The following SLC35E1 variants were observed in gnomAD, a reference collection of about 807,000 sequenced individuals.
SLC35E1 encodes solute carrier family 35 member E1.
In SLC35E1, 12 loss-of-function variants were observed where a neutral mutation model predicts 31.0. That is an observed-to-expected ratio of 0.39 (90% CI 0.25 to 0.63). The LOEUF is 0.63. Among genes scored for constraint, SLC35E1 ranks in the 20% least tolerant of loss-of-function variants. The pLI is 0.52. For missense variants in SLC35E1, 429 were observed against 572.2 expected (o/e 0.75, Z 2.55); for synonymous variants, 257 against 264.1 (o/e 0.97, Z 0.26).
At chr19:16,561,170 C>T (rs1412999050) in intron 4 of SLC35E1, among the ~76,000 whole-genome samples, 4 of 129,460 alleles carry the variant, frequency 3.1e-5, no homozygotes, top group East Asian at 2.3e-4. Context: ...GCTGAGATCA[C>T]GCCACTGCGC....
At chr19:16,571,335 C>T (rs2085957129) in intron 2 of SLC35E1, among the ~76,000 whole-genome samples, 177 bp downstream of exon 2, 1 of 152,280 alleles carries the variant, frequency 6.6e-6, no homozygotes, top group Non-Finnish European at 1.5e-5. Context: ...CACCACTGCT[C>T]ACAGGGTGAT....
Position 16,572,401 on chromosome 19 carries a change from G to T in SLC35E1, c.-37C>A, listed in dbSNP as rs981266748. 1.2e-5 allele frequency: 12 copies of T among 989,024 alleles called. No homozygotes were observed. In the African/African-American group the frequency reaches 1.2e-4, roughly 10 times the overall value. 61.3% of individuals were successfully genotyped at this position (989,024 alleles called of 1,614,324 possible). ...GGCCGCCCCTTCCAGCCCGTCCGACGGCCCGACGCCGGGCGGGGGCGGGGC... is the reference window on the plus strand; with the variant it reads ...GGCCGCCCCTTCCAGCCCGTCCGACTGCCCGACGCCGGGCGGGGGCGGGGC... On this transcript the variant is annotated 5_prime_UTR_variant, in exon 1 of 6. Coordinates refer to ENST00000595753, the MANE Select transcript of SLC35E1 (RefSeq NM_024881.5). This position sits in a 1 kb window ranked among gnomAD's most constrained non-coding sequence, Gnocchi z 4.1.
rs1298064263 is a variant in SLC35E1, at chr19:16,572,365, C to T, written c.-1G>A. The T allele has an allele frequency of 2.0e-6, 2 of 1,010,106 alleles. No individual in the cohort carries two copies. The highest frequency in any genetic ancestry group is 2.4e-6 in the Non-Finnish European group (2 of 845,590). The allele number at this position is 1,010,106 out of a possible 1,614,324, so 62.6% of individuals were successfully genotyped here. A position where few individuals can be genotyped will look rare whatever the true frequency, so the allele number is the denominator to read the frequency against. ...CCGCGCCCACCGCGGCCGCCGCCAT[C>T]CTGCCCGAGCGGCCGCCCCTTCCAG... On this transcript the variant is annotated 5_prime_UTR_variant, in exon 1 of 6. Transcript: ENST00000595753. This position sits in a 1 kb window ranked among gnomAD's most constrained non-coding sequence, Gnocchi z 4.1.
At chr19:16,571,675 C>G in intron 1 of SLC35E1, 93 bp from the exon 2 acceptor site, 1 of 1,349,422 alleles carries the variant, frequency 7.4e-7, no homozygotes, top group South Asian at 1.2e-5. Context: ...GCCTGGCAGC[C>G]CCTCACACCT....
chr19:16,553,545 C>T lies in SLC35E1; in HGVS notation c.*134G>A, dbSNP rs2085856727. 6 of 837,060 alleles carry T rather than the reference C, an allele frequency of 7.2e-6. No homozygotes were observed. Among genetic ancestry groups the T allele is most frequent in the Non-Finnish European group, 1.0e-5 (6 of 583,452 alleles). 51.9% of individuals were successfully genotyped at this position (837,060 alleles called of 1,614,324 possible). On this transcript the variant is annotated 3_prime_UTR_variant, in exon 6 of 6. Transcript: ENST00000595753. ...CTGCGGCTCACGGGGGGCCAGGAAC[C>T]CCAGGGCTTCTGATGGAGAGTTATG... is the stretch of plus-strand genomic sequence containing the variant.
Position 16,563,672 on chromosome 19 carries a change from G to C in SLC35E1, c.756+2860C>G, listed in dbSNP as rs1347412812. On this transcript the variant is annotated intron_variant, in intron 4 of 5. Coordinates refer to ENST00000595753, the MANE Select transcript of SLC35E1 (RefSeq NM_024881.5). ...ATTTTTATATTTTTTCTAGAGATGG[G>C]GTTTCCCCACGTTGGCCAGGCTGGT... is the stretch of plus-strand genomic sequence containing the variant. Among the ~76,000 whole-genome samples, 10 of 152,242 alleles carry C rather than the reference G, an allele frequency of 6.6e-5. 1 individual carries two copies. The South Asian group carries it at 2.1e-3, about 32-fold the overall frequency.
At chr19:16,571,824 GC>G in intron 1 of SLC35E1, 119 bp downstream of exon 1, 1 of 1,126,278 alleles carries the variant, frequency 8.9e-7, no homozygotes. Flanking sequence ...ACCCTTGGCA[GC>G]CCCTCTGCTG....
rs565590794 is a variant in SLC35E1, at chr19:16,553,828, G to A, written c.1084C>T (p.Arg362Trp). The change falls in exon 6 of 6, where the codon CGG becomes TGG. Residue 362 changes from arginine to tryptophan, a missense_variant. Transcript: ENST00000595753. ...TTGTGGGGCTTCTCCAGTGGGCTCC[G>A]GTGACGCTCCTTGCTGCTCAGGTCT... ...TADLSSKERH[R>W]SPLEKPHNGL... The A allele has an allele frequency of 1.6e-5, 26 of 1,614,052 alleles. No homozygotes were observed. In the African/African-American group the frequency reaches 2.3e-4, roughly 14 times the overall value.
intron 5 of SLC35E1, 116 bp from the exon 6 acceptor site, chr19:16,554,025 G>C: frequency 1.1e-6 from 1 of 876,460 alleles, no homozygotes; most frequent in Non-Finnish European, 1.6e-6. Flanking sequence ...AGCACTTTGG[G>C]AGGTCGAGGC....
intron 1 of SLC35E1, 62 bp from the exon 2 acceptor site, chr19:16,571,644 C>T (rs897793522): frequency 1.3e-5 from 21 of 1,572,936 alleles, no homozygotes; most frequent in African/African-American, 2.7e-5. Context: ...ACCTGTTCCA[C>T]CTCCACGGCG....
chr19:16,556,858 G>A (rs997184828), intron 4 of SLC35E1: 25 of 471,096 alleles, frequency 5.3e-5, no homozygotes, highest in Middle Eastern at 3.2e-4. Flanking sequence ...AAGAAGACAC[G>A]CTTAGGCGAC....
rs1210934300 is a variant in SLC35E1, at chr19:16,553,817, C to T, written c.1095G>A (p.Leu365=). The change falls in exon 6 of 6, where the codon CTG becomes CTA. Residue 365 remains leucine (L), a synonymous_variant. Transcript: ENST00000595753. ...LSSKERHRSP[L]EKPHNGLLFP... ...AGAGGAGGCCGTTGTGGGGCTTCTC[C>T]AGTGGGCTCCGGTGACGCTCCTTGC... 1 of 1,613,966 alleles carries T rather than the reference C, an allele frequency of 6.2e-7. No individual in the cohort carries two copies. The highest frequency in any genetic ancestry group is 2.2e-5 in the East Asian group (1 of 44,898).
intron 4 of SLC35E1, among the ~76,000 whole-genome samples, chr19:16,564,693 G>C (rs917263095): frequency 6.6e-6 from 1 of 152,150 alleles, no homozygotes; most frequent in African/African-American, 2.4e-5. Flanking sequence ...GAAAAAAAGA[G>C]AACCCCTTCC....
Position 16,572,249 on chromosome 19 carries a change from GCGTA to G in SLC35E1, c.112_115del (p.Tyr38ArgfsTer2). 6.6e-7 allele frequency: 1 copy of G among 1,519,096 alleles called. No individual in the cohort carries two copies. The highest frequency in any genetic ancestry group is 8.8e-7 in the Non-Finnish European group (1 of 1,132,610). The allele number at this position is 1,519,096 out of a possible 1,614,324, so 94.1% of individuals were successfully genotyped here. ...GACCACGTTGCCGCCCGCGCTCAGC[GCGTA>G]CCACAGCAGGCACAGCGCCGCCACC... On this transcript the variant is annotated frameshift_variant, in exon 1 of 6. Transcript: ENST00000595753. LOFTEE classifies it high-confidence loss of function. The surrounding 1 kb of genome is among the most constrained non-coding windows in gnomAD (Gnocchi z 4.1).
chr19:16,571,506 G>A lies in SLC35E1; in HGVS notation c.492+6C>T, dbSNP rs889185808. Reference sequence around the variant, plus strand: ...CCATCTGCCCAGAGTCCCTGCCCGGGGTTACCTTGGTGCTCTGCTTCTCCT... The same window carrying A: ...CCATCTGCCCAGAGTCCCTGCCCGGAGTTACCTTGGTGCTCTGCTTCTCCT... On this transcript the variant is annotated splice_donor_region_variant and intron_variant, in intron 2 of 5. Coordinates refer to ENST00000595753, the MANE Select transcript of SLC35E1 (RefSeq NM_024881.5). 6 of 1,613,684 alleles carry A rather than the reference G, an allele frequency of 3.7e-6. No individual in the cohort carries two copies. Among genetic ancestry groups the A allele is most frequent in the Non-Finnish European group, 5.1e-6 (6 of 1,179,846 alleles).
chr19:16,556,754 G>A (rs534210009), intron 4 of SLC35E1, among the ~76,000 whole-genome samples: 29 of 152,360 alleles, frequency 1.9e-4, no homozygotes, highest in Admixed American at 1.2e-3. Context: ...CAGGGTGACC[G>A]TGATTGGCGG....
intron 4 of SLC35E1, chr19:16,556,924 T>C (rs1017033690): frequency 5.1e-5 from 24 of 471,538 alleles, no homozygotes; most frequent in Non-Finnish European, 9.7e-5. Flanking sequence ...TCCATTTACC[T>C]GTGCCATACA....
Position 16,555,092 on chromosome 19 carries a change from C to T in SLC35E1, c.1002+60G>A, listed in dbSNP as rs530802348. ...GAGCGCCCGGGAGGCCCTTCCTTTT[C>T]TGACTTCCTGGGTGTTGGGGGGCCG... is the stretch of plus-strand genomic sequence containing the variant. On this transcript the variant is annotated intron_variant, in intron 5 of 5. Coordinates refer to ENST00000595753, the MANE Select transcript of SLC35E1 (RefSeq NM_024881.5). The surrounding 1 kb of genome is among the most constrained non-coding windows in gnomAD (Gnocchi z 4.1). The T allele has an allele frequency of 1.9e-6, 3 of 1,601,518 alleles. No individual in the cohort carries two copies. Among genetic ancestry groups the T allele is most frequent in the South Asian group, 1.1e-5 (1 of 89,522 alleles).
At position 16,553,611 on chromosome 19, in the gene SLC35E1, G is replaced by T; in HGVS notation, c.*68C>A. The T allele has an allele frequency of 4.4e-6, 6 of 1,348,548 alleles. No homozygotes were observed. The highest frequency in any genetic ancestry group is 5.0e-6 in the Non-Finnish European group (5 of 1,007,762). 83.5% of individuals were successfully genotyped at this position (1,348,548 alleles called of 1,614,324 possible). On this transcript the variant is annotated 3_prime_UTR_variant, in exon 6 of 6. Coordinates refer to ENST00000595753, the MANE Select transcript of SLC35E1 (RefSeq NM_024881.5). ...TGGGTTGTACATTCACTGATTGTCA[G>T]AAGTTTCTGATACTGCTGTGGGGGC...
Sources: allele counts gnomAD v4.1 joint callset (sites outside exome capture counted in the v4.1 genomes callset), GRCh38; gene constraint gnomAD v4.1.1; non-coding constraint Gnocchi (gnomAD v3.1); transcripts MANE v1.5; gene names NCBI Gene and HGNC (gene_info 2026-07-23, HGNC 2026-07-21).